The following NKAIN3 variants were observed in gnomAD, a reference collection of about 807,000 sequenced individuals.
NKAIN3 encodes the protein sodium/potassium transporting ATPase interacting 3, also known as sodium/potassium-transporting ATPase subunit beta-1-interacting protein 3.
In NKAIN3, 25 loss-of-function variants were observed where a neutral mutation model predicts 30.2. The ratio of observed to expected loss-of-function variants is 0.83; its 90% CI spans 0.60 to 1.16. The LOEUF is 1.16. Ranked by LOEUF, NKAIN3 falls within the 50% of genes most tolerant of loss-of-function variation. The pLI is 0.00. For synonymous variants in NKAIN3, 91 were observed against 89.6 expected (o/e 1.02, Z -0.09); for missense variants, 225 against 254.1 (o/e 0.89, Z 0.78).
intron 1 of NKAIN3, chr8:62,383,436 C>T (rs1470063263): frequency 4.4e-6 from 2 of 451,156 alleles, no homozygotes; most frequent in Non-Finnish European, 4.4e-6. Flanking sequence ...CTGTTATTCC[C>T]TACTAATAAA....
intron 1 of NKAIN3, among the ~76,000 whole-genome samples, chr8:62,509,734 C>G (rs1470037244): frequency 6.6e-6 from 1 of 152,122 alleles, no homozygotes; most frequent in Non-Finnish European, 1.5e-5. Flanking sequence ...TATCGTAACT[C>G]TCCTAAATAT....
At chr8:62,573,011 G>C (rs1036040480) in intron 1 of NKAIN3, among the ~76,000 whole-genome samples, 1 of 152,102 alleles carries the variant, frequency 6.6e-6, no homozygotes, top group Admixed American at 6.6e-5. Context: ...TAGTTAATGC[G>C]GGGCATGGCT....
chr8:62,879,645 G>T (rs1820914770), intron 4 of NKAIN3, among the ~76,000 whole-genome samples: 2 of 152,170 alleles, frequency 1.3e-5, no homozygotes, highest in African/African-American at 4.8e-5. Flanking sequence ...GGAGCTTGGT[G>T]TTTGGCTTGC....
At chr8:62,818,909 G>C (rs1818769641) in intron 4 of NKAIN3, among the ~76,000 whole-genome samples, 1 of 151,830 alleles carries the variant, frequency 6.6e-6, no homozygotes, top group African/African-American at 2.4e-5. Flanking sequence ...TAAAAAGCAT[G>C]CTGGGAAGAT....
intron 4 of NKAIN3, among the ~76,000 whole-genome samples, chr8:62,874,286 A>C (rs1418748053): frequency 6.6e-6 from 1 of 152,202 alleles, no homozygotes; most frequent in Admixed American, 6.5e-5. Context: ...ACCAAGAGGA[A>C]GTTGAATCCC....
chr8:62,590,804 TACTC>T (rs1404751445), intron 3 of NKAIN3, among the ~76,000 whole-genome samples: 2 of 151,766 alleles, frequency 1.3e-5, no homozygotes, highest in Non-Finnish European at 2.9e-5. Context: ...CAGAGGTGGT[TACTC>T]TTTTTTCTCC....
intron 6 of NKAIN3, among the ~76,000 whole-genome samples, chr8:62,963,511 T>C (rs77077364): frequency 0.02 from 3,078 of 152,300 alleles, 32 homozygotes; most frequent in Middle Eastern, 0.044. Context: ...CTGACACTAC[T>C]GCTAACAAAG....
downstream of NKAIN3, among the ~76,000 whole-genome samples, chr8:62,987,402 C>T (rs1824224485): frequency 6.6e-6 from 1 of 152,002 alleles, no homozygotes; most frequent in African/African-American, 2.4e-5. Context: ...TTTCACACTG[C>T]TAATAAAGAC....
chr8:62,598,819 T>C (rs1343794814), intron 3 of NKAIN3, among the ~76,000 whole-genome samples: 1 of 152,072 alleles, frequency 6.6e-6, no homozygotes, highest in East Asian at 1.9e-4. Context: ...CTCAGAGGAA[T>C]GACTGTCTTG....
At chr8:62,576,051 A>G (rs1304701) in intron 1 of NKAIN3, among the ~76,000 whole-genome samples, 56,246 of 151,910 alleles carry the variant, frequency 0.37, 12,248 homozygotes, top group Non-Finnish European at 0.49. Flanking sequence ...AGGTCATTGG[A>G]CTGGGCGGAT....
intron 6 of NKAIN3, 91 bp downstream of exon 6, chr8:62,954,063 T>C (rs1350673332): frequency 4.6e-6 from 1 of 219,296 alleles, no homozygotes; most frequent in Non-Finnish European, 7.7e-6. Flanking sequence ...CTACTACTAC[T>C]AATCATTGGT....
chr8:62,614,174 C>T (rs1011368335), intron 3 of NKAIN3, among the ~76,000 whole-genome samples: 2 of 152,038 alleles, frequency 1.3e-5, no homozygotes, highest in African/African-American at 4.8e-5. Context: ...GGGAGGCTTT[C>T]TAGATATTTG....
chr8:62,773,573 G>A (rs766433587), intron 4 of NKAIN3, among the ~76,000 whole-genome samples: 10 of 152,080 alleles, frequency 6.6e-5, no homozygotes, highest in Non-Finnish European at 1.3e-4. Flanking sequence ...TAATTCCCAA[G>A]TGCAGTGGGA....
At chr8:62,509,474 C>T (rs768948889) in intron 1 of NKAIN3, among the ~76,000 whole-genome samples, 3 of 151,962 alleles carry the variant, frequency 2.0e-5, no homozygotes, top group Non-Finnish European at 4.4e-5. Context: ...TGCATGTCTC[C>T]GACTTAATAA....
intron 4 of NKAIN3, among the ~76,000 whole-genome samples, chr8:62,794,955 T>C (rs1389578641): frequency 6.6e-6 from 1 of 152,140 alleles, no homozygotes; most frequent in African/African-American, 2.4e-5. Flanking sequence ...CTATGATCTT[T>C]CCATCCCCTT....
At chr8:62,657,365 A>G (rs1476718529) in intron 3 of NKAIN3, among the ~76,000 whole-genome samples, 8 of 152,304 alleles carry the variant, frequency 5.3e-5, no homozygotes, top group African/African-American at 1.9e-4. Context: ...ATTTGGATCC[A>G]CTTTACATAT....
chr8:62,762,668 A>G (rs149475119), intron 4 of NKAIN3, among the ~76,000 whole-genome samples: 2,530 of 152,270 alleles, frequency 0.017, 67 homozygotes, highest in African/African-American at 0.059. Flanking sequence ...TGGTGGTAGC[A>G]GCAGAAATAG....
chr8:62,344,698 C>A (rs1021879574), intron 1 of NKAIN3: 6 of 238,076 alleles, frequency 2.5e-5, no homozygotes, highest in African/African-American at 1.4e-4. Flanking sequence ...TGTTTTTTAT[C>A]CTGCAACCCA....
chr8:62,978,739 G>A lies in NKAIN3; in HGVS notation c.*13332G>A, dbSNP rs145141733. On this transcript the variant is annotated 3_prime_UTR_variant, in exon 7 of 7. Transcript: ENST00000623646. Reference sequence around the variant, plus strand: ...GGGGAGTGAATGGTTCTGTCTCTCTGGCATTCCAGACAACTCTGGGGTACG... The same window carrying A: ...GGGGAGTGAATGGTTCTGTCTCTCTAGCATTCCAGACAACTCTGGGGTACG... The A allele has an allele frequency of 4.8e-4, 73 of 153,096 alleles. No homozygotes were observed. The highest frequency in any genetic ancestry group is 1.7e-3 in the African/African-American group (70 of 41,522). 9.5% of individuals were successfully genotyped at this position (153,096 alleles called of 1,614,324 possible).
Sources: gnomAD v4.1 joint callset for allele counts (sites outside exome capture counted in the v4.1 genomes callset) on GRCh38, gnomAD v4.1.1 for gene constraint, MANE v1.5 for transcripts, NCBI Gene and HGNC (gene_info 2026-07-23, HGNC 2026-07-21) for gene names.